The following GPHN variants were observed in gnomAD, a reference collection of about 807,000 sequenced individuals.
GPHN encodes the protein gephyrin.
In GPHN, 17 loss-of-function variants were observed where a neutral mutation model predicts 95.5. The ratio of observed to expected loss-of-function variants is 0.18; its 90% CI spans 0.12 to 0.27. The LOEUF (loss-of-function observed/expected upper bound fraction) is 0.27, where lower values mean the gene tolerates loss of function less well. Among genes scored for constraint, GPHN ranks in the 10% least tolerant of loss-of-function variants. The pLI is 1.00. For missense variants in GPHN, 660 were observed against 978.1 expected (o/e 0.67, Z 4.34); for synonymous variants, 320 against 322.5 (o/e 0.99, Z 0.08).
chr14:67,282,392 C>T, the GPHN span, among the ~76,000 whole-genome samples: 1 of 152,102 alleles, frequency 6.6e-6, no homozygotes, highest in African/African-American at 2.4e-5. Flanking sequence ...ATTTATTTCT[C>T]TGAGAGGAAG....
chr14:66,764,492 A>C (rs1225542485), intron 2 of GPHN, among the ~76,000 whole-genome samples: 1 of 152,156 alleles, frequency 6.6e-6, no homozygotes, highest in Non-Finnish European at 1.5e-5. Context: ...AGATGAATTA[A>C]GAAAACGTGC....
chr14:67,548,045 G>A, the GPHN span, among the ~76,000 whole-genome samples: 1 of 152,104 alleles, frequency 6.6e-6, no homozygotes, highest in Non-Finnish European at 1.5e-5. Flanking sequence ...CTGAGGGAGT[G>A]GCTGATGACT....
In GPHN at chr14:66,775,367, G is replaced by A. The variant is rs111572210; in HGVS notation, c.144-1097G>A. On this transcript the variant is annotated intron_variant, in intron 2 of 22. Coordinates refer to ENST00000478722, the MANE Select transcript of GPHN (RefSeq NM_020806.5). Reference sequence around the variant, plus strand: ...AACAAAGGCAGTTAGGTAATTTGGAGTTTAATAGCCTAGAGTACCTGATAG... The same window carrying A: ...AACAAAGGCAGTTAGGTAATTTGGAATTTAATAGCCTAGAGTACCTGATAG... Among the ~76,000 whole-genome samples the A allele has an allele frequency of 3.1e-3, 469 of 152,188 alleles. 11 individuals carry two copies. Among genetic ancestry groups the A allele is most frequent in the African/African-American group, 0.011 (444 of 41,536 alleles).
At chr14:66,852,289 A>C (rs2062615185) in intron 4 of GPHN, among the ~76,000 whole-genome samples, 1 of 152,320 alleles carries the variant, frequency 6.6e-6, no homozygotes, top group African/African-American at 2.4e-5. Flanking sequence ...TCAATTTTTA[A>C]AGTATGGCTT....
At chr14:67,312,313 C>T in the GPHN span, 1 of 327,330 alleles carries the variant, frequency 3.1e-6, no homozygotes, top group Non-Finnish European at 5.4e-6. Context: ...TGCAGTGGCT[C>T]ACACCTATAA....
At chr14:66,567,732 C>T (rs1168051195) in intron 1 of GPHN, among the ~76,000 whole-genome samples, 2 of 152,094 alleles carry the variant, frequency 1.3e-5, no homozygotes, top group East Asian at 3.9e-4. Flanking sequence ...CTGATATATG[C>T]TCCACTCAGT....
intron 3 of GPHN, among the ~76,000 whole-genome samples, chr14:66,785,765 G>A (rs554311680): frequency 1.4e-5 from 2 of 144,696 alleles, no homozygotes; most frequent in South Asian, 2.2e-4. Context: ...ATCAGGAAAA[G>A]CTCTAATACA....
chr14:67,265,630 G>A, the GPHN span, among the ~76,000 whole-genome samples: 1 of 152,054 alleles, frequency 6.6e-6, no homozygotes, highest in Non-Finnish European at 1.5e-5. Context: ...GCAAAGGTAG[G>A]TGGATCACCT....
chr14:66,974,768 A>G (rs2070099761), intron 9 of GPHN, among the ~76,000 whole-genome samples: 1 of 152,166 alleles, frequency 6.6e-6, no homozygotes, highest in Non-Finnish European at 1.5e-5. Flanking sequence ...ATGTTTTTCT[A>G]TGCATTTAAA....
chr14:66,956,520 A>G (rs562575864), intron 8 of GPHN, among the ~76,000 whole-genome samples: 2,726 of 151,806 alleles, frequency 0.018, 94 homozygotes, highest in African/African-American at 0.061. Flanking sequence ...AAGTGTTCCT[A>G]TTTCTCCACA....
chr14:67,439,842 T>G, the GPHN span, among the ~76,000 whole-genome samples: 130 of 152,288 alleles, frequency 8.5e-4, no homozygotes, highest in African/African-American at 3.0e-3. Context: ...TTCTTTTTTC[T>G]TTTCTTTTGT....
chr14:67,299,876 AATTATCTTCCCAT>A, the GPHN span, among the ~76,000 whole-genome samples: 1 of 152,196 alleles, frequency 6.6e-6, no homozygotes, highest in Admixed American at 6.5e-5. Context: ...TTTAATCCAG[AATTATCTTCCCAT>A]CCTCAGAGTT....
At chr14:67,018,749 TAAC>T (rs1480666004) in intron 9 of GPHN, among the ~76,000 whole-genome samples, 1 of 152,216 alleles carries the variant, frequency 6.6e-6, no homozygotes, top group Non-Finnish European at 1.5e-5. Flanking sequence ...CCACTGATCA[TAAC>T]AACTACTGAC....
intron 1 of GPHN, among the ~76,000 whole-genome samples, chr14:66,641,969 A>T (rs1389613857): frequency 2.0e-5 from 3 of 152,164 alleles, no homozygotes; most frequent in African/African-American, 7.2e-5. Flanking sequence ...TAAGTGTAAG[A>T]GAGAGTACCA....
At chr14:67,056,972 C>G (rs1360080643) in intron 10 of GPHN, among the ~76,000 whole-genome samples, 2 of 152,334 alleles carry the variant, frequency 1.3e-5, no homozygotes, top group South Asian at 2.1e-4. Flanking sequence ...CTAAGCCCCT[C>G]ACTGCAGGGC....
At chr14:67,453,304 G>A in the GPHN span, among the ~76,000 whole-genome samples, 2 of 152,162 alleles carry the variant, frequency 1.3e-5, no homozygotes, top group African/African-American at 4.8e-5. Context: ...TCCTGAGCCT[G>A]CCAGCCATTG....
At chr14:67,151,787 G>T (rs1420830787) in intron 18 of GPHN, among the ~76,000 whole-genome samples, 1 of 152,126 alleles carries the variant, frequency 6.6e-6, no homozygotes, top group Non-Finnish European at 1.5e-5. Context: ...GGGATCACAG[G>T]CGCATGCCAT....
intron 3 of GPHN, among the ~76,000 whole-genome samples, chr14:66,806,007 T>C (rs1004435524): frequency 2.6e-5 from 4 of 152,222 alleles, no homozygotes; most frequent in Non-Finnish European, 4.4e-5. Context: ...AGGTTCTGCA[T>C]GAGGTCCCCA....
At chr14:66,647,432 G>A (rs999731640) in intron 1 of GPHN, among the ~76,000 whole-genome samples, 9 of 151,120 alleles carry the variant, frequency 6.0e-5, no homozygotes, top group Admixed American at 2.0e-4. Flanking sequence ...ACTAAATATC[G>A]TGAGATATTT....
Sources: allele counts gnomAD v4.1 joint callset (sites outside exome capture counted in the v4.1 genomes callset), GRCh38; gene constraint gnomAD v4.1.1; transcripts MANE v1.5; gene names NCBI Gene and HGNC (gene_info 2026-07-23, HGNC 2026-07-21).